Variants in POPDC1 observed in about 807,000 individuals in gnomAD.
POPDC1 encodes popeye domain cAMP effector 1, also known as popeye domain-containing protein 1.
chr6:105,116,737 C>A, the POPDC1 span: 1 of 1,609,036 alleles, frequency 6.2e-7, no homozygotes. Flanking sequence ...ATGAGTAGAG[C>A]TTATTTGTGA....
the POPDC1 span, among the ~76,000 whole-genome samples, chr6:105,110,688 A>ATT: frequency 8.6e-5 from 13 of 151,146 alleles, no homozygotes; most frequent in East Asian, 3.9e-4. Flanking sequence ...CCACAACAGC[A>ATT]TTTTTTTTTC....
chr6:105,131,849 C>G, the POPDC1 span, among the ~76,000 whole-genome samples: 1 of 132,010 alleles, frequency 7.6e-6, no homozygotes, highest in African/African-American at 2.8e-5. Flanking sequence ...ATTTTTTTTT[C>G]CATTCAACTC....
the POPDC1 span, among the ~76,000 whole-genome samples, chr6:105,105,103 G>A: frequency 2.0e-5 from 3 of 152,192 alleles, no homozygotes; most frequent in African/African-American, 7.2e-5. Flanking sequence ...AGTCCTAAGG[G>A]CCTGGAAAGA....
chr6:105,115,752 T>G, the POPDC1 span: 2 of 1,614,068 alleles, frequency 1.2e-6, no homozygotes, highest in South Asian at 2.2e-5. Flanking sequence ...TCACTGGAGC[T>G]GGCTATACTG....
the POPDC1 span, among the ~76,000 whole-genome samples, chr6:105,123,453 T>C: frequency 6.6e-5 from 10 of 152,036 alleles, no homozygotes; most frequent in African/African-American, 2.4e-4. Context: ...CAGGCTGGAG[T>C]GCAGTGGCGT....
At chr6:105,116,731 G>C in the POPDC1 span, 1 of 1,607,540 alleles carries the variant, frequency 6.2e-7, no homozygotes, top group African/African-American at 1.3e-5. Context: ...CATTCAATGA[G>C]TAGAGCTTAT....
chr6:105,126,386 C>T, the POPDC1 span, among the ~76,000 whole-genome samples: 3 of 151,048 alleles, frequency 2.0e-5, no homozygotes, highest in Admixed American at 1.3e-4. Flanking sequence ...GAACTATGAT[C>T]GCACCATTGC....
chr6:105,105,415 C>T, the POPDC1 span, among the ~76,000 whole-genome samples: 2 of 152,188 alleles, frequency 1.3e-5, no homozygotes, highest in Non-Finnish European at 2.9e-5. Flanking sequence ...ACATTCACAT[C>T]CAGGAAGACA....
the POPDC1 span, among the ~76,000 whole-genome samples, chr6:105,131,906 C>A: frequency 3.3e-5 from 5 of 152,104 alleles, no homozygotes; most frequent in African/African-American, 1.2e-4. Context: ...GGTCACACAG[C>A]CACAGAGGTC....
the POPDC1 span, among the ~76,000 whole-genome samples, chr6:105,132,509 C>T: frequency 1.5e-3 from 221 of 152,270 alleles, no homozygotes; most frequent in African/African-American, 5.1e-3. Context: ...GCATCTGATA[C>T]GCCATACTGG....
the POPDC1 span, among the ~76,000 whole-genome samples, chr6:105,129,813 C>G: frequency 6.6e-6 from 1 of 152,138 alleles, no homozygotes; most frequent in African/African-American, 2.4e-5. Context: ...GATTTCATCG[C>G]ACTATTCAGA....
At chr6:105,105,082 A>C in the POPDC1 span, among the ~76,000 whole-genome samples, 240 of 152,288 alleles carry the variant, frequency 1.6e-3, 1 homozygote, top group African/African-American at 5.5e-3. Context: ...TCCTAGGAGG[A>C]TAAACCAGGG....
chr6:105,097,549 TG>T, the POPDC1 span: 1 of 152,216 alleles, frequency 6.6e-6, no homozygotes, highest in African/African-American at 2.4e-5. Flanking sequence ...AGTCATTACC[TG>T]GAAACACTGG....
chr6:105,119,184 CAAA>C, the POPDC1 span, among the ~76,000 whole-genome samples: 1 of 111,298 alleles, frequency 9.0e-6, no homozygotes, highest in African/African-American at 3.7e-5. Context: ...GACTCCCTCT[CAAA>C]AAAAAAAAAA....
chr6:105,126,601 GA>G, the POPDC1 span, among the ~76,000 whole-genome samples: 6 of 152,066 alleles, frequency 3.9e-5, no homozygotes, highest in African/African-American at 1.4e-4. Context: ...ATAAATAACA[GA>G]AAACCTTTTC....
chr6:105,118,682 T>G, the POPDC1 span, among the ~76,000 whole-genome samples: 1 of 152,200 alleles, frequency 6.6e-6, no homozygotes, highest in African/African-American at 2.4e-5. Context: ...CGAGAATGAC[T>G]GGGGGTGACA....
the POPDC1 span, among the ~76,000 whole-genome samples, chr6:105,119,192 A>AG: frequency 2.0e-5 from 3 of 151,396 alleles, no homozygotes; most frequent in Admixed American, 6.6e-5. Flanking sequence ...CTCAAAAAAA[A>AG]AAAAAAAAAA....
At chr6:105,124,094 T>C in the POPDC1 span, among the ~76,000 whole-genome samples, 1 of 152,138 alleles carries the variant, frequency 6.6e-6, no homozygotes, top group African/African-American at 2.4e-5. Context: ...ATATACAGTA[T>C]TTTTTAGGCC....
At chr6:105,111,570 G>A in the POPDC1 span, among the ~76,000 whole-genome samples, 1 of 152,100 alleles carries the variant, frequency 6.6e-6, no homozygotes, top group Admixed American at 6.5e-5. Context: ...ATGAAGCAAT[G>A]GGAAAGTGAA....
Sources: gnomAD v4.1 joint callset for allele counts (sites outside exome capture counted in the v4.1 genomes callset) on GRCh38, gnomAD v4.1.1 for gene constraint, MANE v1.5 for transcripts, NCBI Gene and HGNC (gene_info 2026-07-23, HGNC 2026-07-21) for gene names.